The following OR1L8 variants were observed in gnomAD, a reference collection of about 807,000 sequenced individuals.
The protein encoded by OR1L8 is olfactory receptor 1L8.
For missense variants in OR1L8, 330 were observed against 377.4 expected (o/e 0.87, Z 1.04); for synonymous variants, 148 against 147.0 (o/e 1.01, Z -0.05).
At chr9:122,547,074 A>AT in the OR1L8 span, among the ~76,000 whole-genome samples, 3 of 151,858 alleles carry the variant, frequency 2.0e-5, no homozygotes, top group African/African-American at 4.8e-5. Flanking sequence ...ATCAAAAATA[A>AT]TTTTTTTAAA....
intron 3 of OR1L8, among the ~76,000 whole-genome samples, chr9:122,573,803 TAA>T (rs1199049581): frequency 6.6e-6 from 1 of 152,220 alleles, no homozygotes; most frequent in Non-Finnish European, 1.5e-5. Context: ...GTGTTGTATC[TAA>T]AAAGTCATCT....
At chr9:122,558,314 T>C in the OR1L8 span, among the ~76,000 whole-genome samples, 1 of 27,960 alleles carries the variant, frequency 3.6e-5, no homozygotes, top group Admixed American at 3.3e-4. Flanking sequence ...GATTTTGCTT[T>C]TTTTTTTTTT....
the OR1L8 span, chr9:122,554,266 C>T: frequency 3.4e-5 from 29 of 858,432 alleles, no homozygotes; most frequent in Middle Eastern, 2.5e-4. Flanking sequence ...GAAGGTTATC[C>T]GTTGACTCTG....
chr9:122,582,051 G>T (rs1163704704), intron 1 of OR1L8, among the ~76,000 whole-genome samples: 1 of 152,178 alleles, frequency 6.6e-6, no homozygotes, highest in African/African-American at 2.4e-5. Flanking sequence ...TTTCCCTAAA[G>T]CTAGGACCAC....
chr9:122,576,385 C>A (rs1829656805), intron 3 of OR1L8, among the ~76,000 whole-genome samples: 1 of 126,804 alleles, frequency 7.9e-6, no homozygotes. Context: ...CCACGCCCAG[C>A]TAATTTTTTT....
In OR1L8 at chr9:122,567,394, G is replaced by C; in HGVS notation, c.*154C>G. 1 of 551,730 alleles carries C rather than the reference G, an allele frequency of 1.8e-6. No homozygotes were observed. The highest frequency in any genetic ancestry group is 3.2e-6 in the Non-Finnish European group (1 of 316,980). The allele number at this position is 551,730 out of a possible 1,614,324, so 34.2% of individuals were successfully genotyped here. A position where few individuals can be genotyped will look rare whatever the true frequency, so the allele number is the denominator to read the frequency against. On this transcript the variant is annotated 3_prime_UTR_variant, in exon 5 of 5. Coordinates refer to ENST00000641027, the MANE Select transcript of OR1L8 (RefSeq NM_001004454.2). ...TAAGAGATACAGGCCGAATTGTTGG[G>C]TCATCATCAATGGATGTAAGTGCCC... is the stretch of plus-strand genomic sequence containing the variant.
At chr9:122,579,369 A>C (rs1217143613) in intron 1 of OR1L8, among the ~76,000 whole-genome samples, 1 of 152,130 alleles carries the variant, frequency 6.6e-6, no homozygotes, top group African/African-American at 2.4e-5. Flanking sequence ...ATTTTGCACT[A>C]ACTTTTTAAG....
chr9:122,555,736 C>A, the OR1L8 span, among the ~76,000 whole-genome samples: 1 of 152,152 alleles, frequency 6.6e-6, no homozygotes, highest in Non-Finnish European at 1.5e-5. Flanking sequence ...AGACTTTACT[C>A]TTTTAGAGCT....
At chr9:122,563,940 G>A (rs1400615994), downstream of OR1L8, among the ~76,000 whole-genome samples, 1 of 152,048 alleles carries the variant, frequency 6.6e-6, no homozygotes, top group African/African-American at 2.4e-5. Flanking sequence ...ATTTATTTTT[G>A]GGTTGTCTAT....
chr9:122,547,657 G>GTGTGTGTA, the OR1L8 span, among the ~76,000 whole-genome samples: 1 of 147,812 alleles, frequency 6.8e-6, no homozygotes, highest in Non-Finnish European at 1.5e-5. Flanking sequence ...GTGTGTGTGT[G>GTGTGTGTA]TACATACACA....
In OR1L8 at chr9:122,567,961, T is replaced by G. The variant is rs72751258; in HGVS notation, c.517A>C (p.Asn173His). 0.013 allele frequency: 20,836 copies of G among 1,614,026 alleles called. 186 individuals carry two copies. The highest frequency in any genetic ancestry group is 0.015 in the Non-Finnish European group (17,535 of 1,179,960). ...LLNRLTFCDS[N>H]VIHHFLCDLS... ...TCACAGAGAAAGTGGTGGATAACAT[T>G]GGAGTCACAGAAGGTGAGACGATTC... Residue 173 changes from asparagine (N) to histidine (H), a missense_variant, in exon 5 of 5, where the codon AAT (asparagine) becomes CAT (histidine). Transcript: ENST00000641027.
chr9:122,570,402 C>T (rs1588215821), intron 4 of OR1L8, among the ~76,000 whole-genome samples: 1 of 152,238 alleles, frequency 6.6e-6, no homozygotes, highest in Middle Eastern at 3.4e-3. Flanking sequence ...CTTAATACAC[C>T]AGAATTTTCA....
At chr9:122,558,311 C>CTTTTTTTTTTTTTT in the OR1L8 span, among the ~76,000 whole-genome samples, 3 of 34,472 alleles carry the variant, frequency 8.7e-5, 1 homozygote, top group Non-Finnish European at 1.4e-4. Flanking sequence ...TTGGATTTTG[C>CTTTTTTTTTTTTTT]TTTTTTTTTT....
chr9:122,552,694 G>A, the OR1L8 span, among the ~76,000 whole-genome samples: 1 of 151,814 alleles, frequency 6.6e-6, no homozygotes, highest in Non-Finnish European at 1.5e-5. Flanking sequence ...AAGGCAAGTG[G>A]GGAGGAAGCT....
At chr9:122,550,180 A>C in the OR1L8 span, among the ~76,000 whole-genome samples, 1 of 152,160 alleles carries the variant, frequency 6.6e-6, no homozygotes, top group African/African-American at 2.4e-5. Flanking sequence ...TTGAAATATA[A>C]AATCTCCGAA....
downstream of OR1L8, among the ~76,000 whole-genome samples, chr9:122,566,366 A>C (rs1173136144): frequency 6.6e-6 from 1 of 152,204 alleles, no homozygotes; most frequent in Non-Finnish European, 1.5e-5. Flanking sequence ...AGATGAGGAA[A>C]TATTCTCCCT....
the OR1L8 span, among the ~76,000 whole-genome samples, chr9:122,550,208 G>A: frequency 7.5e-4 from 114 of 152,188 alleles, no homozygotes; most frequent in Non-Finnish European, 1.9e-4. Context: ...CCAGGAACAA[G>A]TAGAAATGCT....
At chr9:122,576,593 A>G (rs769414235) in intron 3 of OR1L8, among the ~76,000 whole-genome samples, 173 bp downstream of exon 3, 2 of 152,112 alleles carry the variant, frequency 1.3e-5, no homozygotes. Flanking sequence ...TATCTTGGCT[A>G]TTATGAATAC....
chr9:122,568,040 C>T lies in OR1L8; in HGVS notation c.438G>A (p.Val146=), dbSNP rs776436795. 13 of 1,613,842 alleles carry T rather than the reference C, an allele frequency of 8.1e-6. No individual in the cohort carries two copies. The highest frequency in any genetic ancestry group is 1.6e-4 in the Middle Eastern group (1 of 6,084). The change falls in exon 5 of 5, where the codon GTG becomes GTA. Residue 146 remains valine, a synonymous_variant. Transcript: ENST00000641027. ...GGTGAGGAAATGAGCAGGAGAAGGC[C>T]ACCAGCAGGACACAGTGGTGGTGGC... The part of the protein sequence containing the change: ...TMSHHHCVLL[V]AFSCSFPHLH...
Sources: allele counts gnomAD v4.1 joint callset (sites outside exome capture counted in the v4.1 genomes callset), GRCh38; gene constraint gnomAD v4.1.1; transcripts MANE v1.5; gene names NCBI Gene and HGNC (gene_info 2026-07-23, HGNC 2026-07-21).